The following BCKDHB variants were observed in gnomAD, a reference collection of about 807,000 sequenced individuals.
BCKDHB encodes the protein 2-oxoisovalerate dehydrogenase subunit beta, mitochondrial.
A neutral mutation model predicts 48.5 loss-of-function variants in BCKDHB; 41 were observed. The ratio of observed to expected loss-of-function variants is 0.85; its 90% CI spans 0.66 to 1.10. The LOEUF (loss-of-function observed/expected upper bound fraction) is 1.10, where lower values mean the gene tolerates loss of function less well. BCKDHB is among the 50% of genes least tolerant of loss of function. The pLI is 0.00. For synonymous variants in BCKDHB, 201 were observed against 174.8 expected (o/e 1.15, Z -1.18); for missense variants, 496 against 494.2 (o/e 1.00, Z -0.03).
chr6:80,452,829 A>G, the BCKDHB span, among the ~76,000 whole-genome samples: 1 of 152,216 alleles, frequency 6.6e-6, no homozygotes, highest in South Asian at 2.1e-4. Flanking sequence ...ATCTCAGGAA[A>G]CAGAGCTATC....
chr6:80,291,120 G>T (rs9443738), intron 9 of BCKDHB, among the ~76,000 whole-genome samples: 121,398 of 152,070 alleles, frequency 0.8, 48,631 homozygotes, highest in Admixed American at 0.87. Flanking sequence ...TGGGAATGCA[G>T]TCCAGTAGGT....
chr6:80,240,493 C>G (rs1478379778), intron 8 of BCKDHB, among the ~76,000 whole-genome samples: 1 of 152,114 alleles, frequency 6.6e-6, no homozygotes, highest in Non-Finnish European at 1.5e-5. Flanking sequence ...TATAGGAATG[C>G]TTGTGATTTT....
intron 6 of BCKDHB, among the ~76,000 whole-genome samples, chr6:80,190,435 A>C (rs916558343): frequency 6.6e-6 from 1 of 152,134 alleles, no homozygotes; most frequent in Non-Finnish European, 1.5e-5. Context: ...AACAGTGGTT[A>C]TGAGCTTGGA....
chr6:80,374,385 C>T, the BCKDHB span: 29 of 808,322 alleles, frequency 3.6e-5, no homozygotes, highest in East Asian at 1.5e-4. Flanking sequence ...ACCATTGTAA[C>T]GTCGGAATGG....
At chr6:80,237,995 T>C (rs1405358869) in intron 8 of BCKDHB, among the ~76,000 whole-genome samples, 1 of 152,232 alleles carries the variant, frequency 6.6e-6, no homozygotes, top group East Asian at 1.9e-4. Flanking sequence ...AAATAGGTTT[T>C]TTAAAGTTCT....
chr6:80,387,558 T>A, the BCKDHB span, among the ~76,000 whole-genome samples: 1 of 152,208 alleles, frequency 6.6e-6, no homozygotes, highest in South Asian at 2.1e-4. Flanking sequence ...AACTAAGTGG[T>A]GACTCCAATT....
intron 8 of BCKDHB, among the ~76,000 whole-genome samples, chr6:80,257,762 C>T (rs1042005562): frequency 8.6e-5 from 13 of 151,958 alleles, no homozygotes; most frequent in Non-Finnish European, 1.8e-4. Context: ...TGGTGTAAGT[C>T]CCGGAGTCCA....
intron 3 of BCKDHB, among the ~76,000 whole-genome samples, chr6:80,162,932 T>G (rs75127848): frequency 6.8e-6 from 1 of 146,724 alleles, no homozygotes; most frequent in Non-Finnish European, 1.5e-5. Context: ...CTCTCTCTCT[T>G]TTTTTTTTAA....
intron 9 of BCKDHB, among the ~76,000 whole-genome samples, chr6:80,282,524 T>A (rs1432845652): frequency 6.6e-6 from 1 of 152,184 alleles, no homozygotes; most frequent in Non-Finnish European, 1.5e-5. Context: ...GGAATATATT[T>A]TAATAAGTTA....
At chr6:80,373,233 A>G in the BCKDHB span, among the ~76,000 whole-genome samples, 2 of 152,122 alleles carry the variant, frequency 1.3e-5, no homozygotes, top group Admixed American at 1.3e-4. Context: ...GTTTGTGCAC[A>G]TAAAGGTGTT....
At chr6:80,205,306 A>G (rs531285090) in intron 8 of BCKDHB, among the ~76,000 whole-genome samples, 1 of 152,070 alleles carries the variant, frequency 6.6e-6, no homozygotes, top group Admixed American at 6.6e-5. Context: ...TTTATATTAT[A>G]ATCTCTTTTA....
At chr6:80,212,681 A>ATTAT (rs1774993539) in intron 8 of BCKDHB, among the ~76,000 whole-genome samples, 1 of 152,220 alleles carries the variant, frequency 6.6e-6, no homozygotes, top group South Asian at 2.1e-4. Flanking sequence ...AGAAATTATA[A>ATTAT]AAGTATTATT....
chr6:80,202,030 G>C lies in BCKDHB; in HGVS notation c.840+999G>C, dbSNP rs139835898. Among the ~76,000 whole-genome samples the C allele has an allele frequency of 7.4e-3, 1,123 of 151,984 alleles. 10 individuals are homozygous for C. The highest frequency in any genetic ancestry group is 0.035 in the South Asian group (167 of 4,794). The stretch of plus-strand genomic sequence containing the variant: ...GTTGTATCCCATTGATATTGTCCTT[G>C]GTGGGTGTGGCAAACCTTTTTGCTA... On this transcript the variant is annotated intron_variant, in intron 7 of 9. Transcript: ENST00000320393.
At chr6:80,242,080 TTTTCA>T (rs1373035043) in intron 8 of BCKDHB, among the ~76,000 whole-genome samples, 1 of 152,226 alleles carries the variant, frequency 6.6e-6, no homozygotes, top group Non-Finnish European at 1.5e-5. Flanking sequence ...TTTATTCATC[TTTTCA>T]TTTATGGATT....
intron 9 of BCKDHB, among the ~76,000 whole-genome samples, chr6:80,322,141 CTCTTT>C (rs1168116242): frequency 2.6e-5 from 4 of 152,076 alleles, no homozygotes; most frequent in Non-Finnish European, 5.9e-5. Context: ...GCCATCATTG[CTCTTT>C]TCTTTACTGT....
downstream of BCKDHB, among the ~76,000 whole-genome samples, chr6:80,348,231 A>G (rs1770294981): frequency 6.6e-6 from 1 of 152,208 alleles, no homozygotes; most frequent in Non-Finnish European, 1.5e-5. Flanking sequence ...AAAATGAGGA[A>G]CAAGATTCAG....
At chr6:80,414,744 T>C in the BCKDHB span, among the ~76,000 whole-genome samples, 19 of 152,312 alleles carry the variant, frequency 1.2e-4, no homozygotes, top group Middle Eastern at 6.8e-3. Context: ...TGGGGCTCTT[T>C]ATGGTTCCAT....
chr6:80,165,981 C>T (rs1772548721), intron 3 of BCKDHB, among the ~76,000 whole-genome samples: 3 of 152,182 alleles, frequency 2.0e-5, no homozygotes, highest in South Asian at 2.1e-4. Context: ...TATTTTCTGA[C>T]ACCTCAGATC....
At chr6:80,241,989 TTCTC>T (rs1281199971) in intron 8 of BCKDHB, among the ~76,000 whole-genome samples, 1 of 152,198 alleles carries the variant, frequency 6.6e-6, no homozygotes, top group Non-Finnish European at 1.5e-5. Context: ...CAAGTATCCT[TTCTC>T]AGTCTGTGGC....
Sources: gnomAD v4.1 joint callset for allele counts (sites outside exome capture counted in the v4.1 genomes callset) on GRCh38, gnomAD v4.1.1 for gene constraint, MANE v1.5 for transcripts, NCBI Gene and HGNC (gene_info 2026-07-23, HGNC 2026-07-21) for gene names.